ATG10: variants seen among roughly 807,000 people sequenced by gnomAD.
The protein encoded by ATG10 is autophagy related 10, also known as ubiquitin-like-conjugating enzyme ATG10.
ATG10 carries 30 observed loss-of-function variants against 32.1 expected under a neutral mutation model. That is an observed-to-expected ratio of 0.94 (90% CI 0.70 to 1.27). The LOEUF (loss-of-function observed/expected upper bound fraction) is 1.27, where lower values mean the gene tolerates loss of function less well. Among genes scored for constraint, ATG10 ranks in the 50% most tolerant of loss-of-function variants. The pLI, the probability that ATG10 is intolerant of heterozygous loss-of-function variation, is 0.00. For synonymous variants in ATG10, 87 were observed against 91.5 expected (o/e 0.95, Z 0.28); for missense variants, 233 against 262.3 (o/e 0.89, Z 0.77).
intron 3 of ATG10, among the ~76,000 whole-genome samples, chr5:82,087,386 AATTATT>A (rs1389814693): frequency 6.6e-6 from 1 of 151,996 alleles, no homozygotes; most frequent in Non-Finnish European, 1.5e-5. Flanking sequence ...GGCTTAGGGG[AATTATT>A]ATTAATTGGG....
At chr5:82,253,502 C>T in intron 7 of ATG10, 73 bp downstream of exon 7, 1 of 1,036,896 alleles carries the variant, frequency 9.6e-7, no homozygotes, top group African/African-American at 1.6e-5. Flanking sequence ...AGACTCATCC[C>T]ACCAAATGCA....
intron 1 of ATG10, among the ~76,000 whole-genome samples, chr5:81,973,823 CAG>C (rs1436372826): frequency 3.3e-5 from 5 of 152,242 alleles, no homozygotes; most frequent in Middle Eastern, 3.4e-3. Context: ...TTGCAAATTG[CAG>C]AGTTTAAAAA....
chr5:82,205,989 A>G (rs1745273879), intron 5 of ATG10, among the ~76,000 whole-genome samples: 3 of 152,236 alleles, frequency 2.0e-5, no homozygotes, highest in Admixed American at 6.5e-5. Context: ...AGGGGACTAG[A>G]GATCCCTATG....
At chr5:82,166,821 CT>C (rs1743604410) in intron 4 of ATG10, among the ~76,000 whole-genome samples, 1 of 152,128 alleles carries the variant, frequency 6.6e-6, no homozygotes, top group Admixed American at 6.5e-5. Flanking sequence ...GCCCAGGGGT[CT>C]TTTTTTGTTG....
At chr5:82,222,300 T>C (rs956242877) in intron 5 of ATG10, among the ~76,000 whole-genome samples, 5 of 152,236 alleles carry the variant, frequency 3.3e-5, no homozygotes, top group Admixed American at 1.3e-4. Context: ...CTTTTCCAAA[T>C]TAGTTGTGAA....
chr5:82,066,276 G>A (rs1172697135), intron 3 of ATG10, among the ~76,000 whole-genome samples: 2 of 152,072 alleles, frequency 1.3e-5, no homozygotes, highest in Admixed American at 1.3e-4. Context: ...CTGACTTTAA[G>A]TTGGTCAGTA....
At chr5:82,241,186 GC>G (rs2150019026) in intron 5 of ATG10, among the ~76,000 whole-genome samples, 1 of 152,236 alleles carries the variant, frequency 6.6e-6, no homozygotes, top group Admixed American at 6.5e-5. Flanking sequence ...TTCTTACACA[GC>G]ATATCAAATC....
At chr5:82,079,142 GT>G (rs1189382366) in intron 3 of ATG10, among the ~76,000 whole-genome samples, 1 of 152,088 alleles carries the variant, frequency 6.6e-6, no homozygotes, top group Non-Finnish European at 1.5e-5. Context: ...TCATTATTTG[GT>G]TTGATGCTCT....
At chr5:81,980,139 T>C (rs1581559633) in intron 1 of ATG10, among the ~76,000 whole-genome samples, 1 of 152,312 alleles carries the variant, frequency 6.6e-6, no homozygotes, top group East Asian at 1.9e-4. Context: ...CAGTTTTTTC[T>C]TATCCAGTTT....
intron 2 of ATG10, among the ~76,000 whole-genome samples, chr5:82,054,547 A>G (rs1763528547): frequency 6.6e-6 from 1 of 152,180 alleles, no homozygotes; most frequent in Non-Finnish European, 1.5e-5. Context: ...GTGTACTACA[A>G]AGAATACTCA....
chr5:82,126,902 G>A (rs947445552), intron 3 of ATG10, among the ~76,000 whole-genome samples: 2,163 of 148,614 alleles, frequency 0.015, no homozygotes, highest in Non-Finnish European at 0.018. Context: ...CTGTGAATCC[G>A]TCTGATCCTG....
At chr5:82,010,287 C>G (rs1762094829) in intron 2 of ATG10, among the ~76,000 whole-genome samples, 2 of 152,176 alleles carry the variant, frequency 1.3e-5, no homozygotes, top group Non-Finnish European at 2.9e-5. Flanking sequence ...GGCTAATTCC[C>G]CTCATATGTG....
At chr5:82,009,988 A>C (rs1554040657) in intron 2 of ATG10, 3 of 1,611,380 alleles carry the variant, frequency 1.9e-6, no homozygotes, top group South Asian at 2.2e-5. Context: ...AGAGCATGAA[A>C]ATTTTCTGCT....
At chr5:81,988,116 C>G (rs901059189) in intron 2 of ATG10, among the ~76,000 whole-genome samples, 5 of 152,104 alleles carry the variant, frequency 3.3e-5, no homozygotes, top group African/African-American at 1.2e-4. Context: ...TTGGGAATTT[C>G]CTATTAATAT....
At chr5:82,050,652 G>A (rs1483304555) in intron 2 of ATG10, among the ~76,000 whole-genome samples, 2 of 151,636 alleles carry the variant, frequency 1.3e-5, no homozygotes, top group Non-Finnish European at 2.9e-5. Flanking sequence ...TCCTTTGAAG[G>A]TGGTATAATC....
intron 5 of ATG10, among the ~76,000 whole-genome samples, chr5:82,212,831 T>C (rs1457350683): frequency 6.6e-6 from 1 of 152,242 alleles, no homozygotes; most frequent in African/African-American, 2.4e-5. Flanking sequence ...TCTTTGACCC[T>C]GTTCTCTTCT....
intron 5 of ATG10, among the ~76,000 whole-genome samples, chr5:82,219,612 A>G (rs1745837283): frequency 6.6e-6 from 1 of 152,178 alleles, no homozygotes; most frequent in African/African-American, 2.4e-5. Flanking sequence ...CCTAAAACCA[A>G]TACAGCTGCA....
chr5:82,254,899 A>AATGTGTGTGTGT lies in ATG10; in HGVS notation c.*836_*837insATGTGTGTGTGT, dbSNP rs1747405640. The AATGTGTGTGTGT allele has an allele frequency of 6.7e-6, 1 of 149,644 alleles. No homozygotes were observed. Among genetic ancestry groups the AATGTGTGTGTGT allele is most frequent in the Non-Finnish European group, 1.5e-5 (1 of 67,462 alleles). 9.3% of individuals were successfully genotyped at this position (149,644 alleles called of 1,614,324 possible). The stretch of plus-strand genomic sequence containing the variant: ...AAAAGAGAGAGAGAGAGTGAGTGTG[A>AATGTGTGTGTGT]GTGTGTGTGTGTGTGTGTGTGTATG... On this transcript the variant is annotated 3_prime_UTR_variant, in exon 8 of 8. Transcript: ENST00000282185.
At chr5:82,071,974 G>T (rs1381961926) in intron 3 of ATG10, among the ~76,000 whole-genome samples, 1 of 152,138 alleles carries the variant, frequency 6.6e-6, no homozygotes, top group Non-Finnish European at 1.5e-5. Context: ...GAATTGGAGG[G>T]AGTGATGGTG....
Sources: allele counts gnomAD v4.1 joint callset (sites outside exome capture counted in the v4.1 genomes callset), GRCh38; gene constraint gnomAD v4.1.1; transcripts MANE v1.5; gene names NCBI Gene and HGNC (gene_info 2026-07-23, HGNC 2026-07-21).